Variants in NDUFAF5 observed in about 807,000 individuals in gnomAD.
The protein encoded by NDUFAF5 is NADH:ubiquinone oxidoreductase complex assembly factor 5, also known as arginine-hydroxylase NDUFAF5, mitochondrial.
Under a neutral mutation model 48.9 loss-of-function variants are expected in NDUFAF5, and 34 were observed. The ratio of observed to expected loss-of-function variants is 0.70; its 90% CI spans 0.53 to 0.93. The LOEUF is 0.93. Ranked by LOEUF, NDUFAF5 falls within the 40% of genes least tolerant of loss-of-function variation. The pLI, the probability that NDUFAF5 is intolerant of heterozygous loss-of-function variation, is 0.00. For synonymous variants in NDUFAF5, 153 were observed against 150.6 expected (o/e 1.02, Z -0.12); for missense variants, 428 against 427.5 (o/e 1.00, Z -0.01).
chr20:13,793,034 G>C, intron 3 of NDUFAF5, 146 bp from the exon 4 acceptor site: 2 of 804,166 alleles, frequency 2.5e-6, no homozygotes, highest in Non-Finnish European at 4.2e-6. Flanking sequence ...GTTATTAAAA[G>C]TATTTGTGTA....
chr20:13,791,950 A>T (rs1982347797), intron 3 of NDUFAF5, among the ~76,000 whole-genome samples: 1 of 152,174 alleles, frequency 6.6e-6, no homozygotes, highest in African/African-American at 2.4e-5. Context: ...CTGTTCTGTG[A>T]CATCATATTG....
intron 7 of NDUFAF5, among the ~76,000 whole-genome samples, chr20:13,806,590 G>A (rs1339060420): frequency 2.0e-5 from 3 of 152,188 alleles, no homozygotes; most frequent in Non-Finnish European, 2.9e-5. Flanking sequence ...AAGCTGTTGT[G>A]GCATTCTTTT....
Position 13,794,925 on chromosome 20 carries a change from G to A in NDUFAF5, c.463G>A (p.Val155Met). 6.2e-7 allele frequency: 1 copy of A among 1,607,906 alleles called. No homozygotes were observed. Among genetic ancestry groups the A allele is most frequent in the Non-Finnish European group, 8.5e-7 (1 of 1,174,376 alleles). ...CTTCAAAGAAAATACATTTGACCTGGTGGTTAGCAGTTTAAGGTTGGTAAT... is the reference window on the plus strand; with the variant it reads ...CTTCAAAGAAAATACATTTGACCTGATGGTTAGCAGTTTAAGGTTGGTAAT... ...LPFKENTFDL[V>M]VSSLSLHWVN... Residue 155 changes from valine to methionine, a missense_variant, in exon 5 of 11, where the codon GTG becomes ATG. Physicochemically the swap from Val to Met is conservative, Grantham distance 21 (BLOSUM62 1). Coordinates refer to ENST00000378106, the MANE Select transcript of NDUFAF5 (RefSeq NM_024120.5).
chr20:13,805,171 G>A (rs976639578), intron 7 of NDUFAF5, among the ~76,000 whole-genome samples: 6 of 151,788 alleles, frequency 4.0e-5, no homozygotes, highest in African/African-American at 9.7e-5. Flanking sequence ...ATGGTGTGGC[G>A]ATGTGTAGTG....
In NDUFAF5 at chr20:13,798,378, A is replaced by G; in HGVS notation, c.480-83A>G. ...TAAACTTCAAAATTAACACCTTTTTATGGGTTATCATTAACCTGGTGATAA... is the reference window on the plus strand; with the variant it reads ...TAAACTTCAAAATTAACACCTTTTTGTGGGTTATCATTAACCTGGTGATAA... On this transcript the variant is annotated intron_variant, in intron 5 of 10. Coordinates refer to ENST00000378106, the MANE Select transcript of NDUFAF5 (RefSeq NM_024120.5). 4 of 984,616 alleles carry G rather than the reference A, an allele frequency of 4.1e-6. No individual in the cohort carries two copies. The East Asian group carries it at 9.6e-5, about 24-fold the overall frequency. 61.0% of individuals were successfully genotyped at this position (984,616 alleles called of 1,614,324 possible).
At chr20:13,793,698 A>T (rs1336039806) in intron 4 of NDUFAF5, among the ~76,000 whole-genome samples, 1 of 152,200 alleles carries the variant, frequency 6.6e-6, no homozygotes, top group Non-Finnish European at 1.5e-5. Flanking sequence ...GAAAATCCTT[A>T]TGTGAAGCCA....
rs1986837936 is a variant in NDUFAF5, at chr20:13,819,530, G to T, written c.*2320G>T. 1 of 152,062 alleles carries T rather than the reference G, an allele frequency of 6.6e-6. No individual in the cohort carries two copies. The highest frequency in any genetic ancestry group is 2.4e-5 in the African/African-American group (1 of 41,406). 9.4% of individuals were successfully genotyped at this position (152,062 alleles called of 1,614,324 possible). ...GATTACAGGCGCGTGCCACCACGCT[G>T]GCTAATTTTTGTATTTTTAATAGAG... On this transcript the variant is annotated 3_prime_UTR_variant, in exon 11 of 11. Coordinates refer to ENST00000378106, the MANE Select transcript of NDUFAF5 (RefSeq NM_024120.5).
chr20:13,816,500 C>T lies in NDUFAF5; in HGVS notation c.816C>T (p.Ala272=). 3 of 1,614,036 alleles carry T rather than the reference C, an allele frequency of 1.9e-6. No homozygotes were observed. The Admixed American group carries it at 5.0e-5, about 27-fold the overall frequency. Residue 272 remains alanine (A), a synonymous_variant, in exon 9 of 11, where the codon GCC becomes GCT. Coordinates refer to ENST00000378106, the MANE Select transcript of NDUFAF5 (RefSeq NM_024120.5). The stretch of plus-strand genomic sequence containing the variant: ...GTAACTGTGCTTGGAATAGAAAAGC[C>T]CTGCTGCATCGAGACACAATGCTGG... ...GESNCAWNRK[A]LLHRDTMLAA...
chr20:13,790,485 C>T (rs1401178768), intron 3 of NDUFAF5, among the ~76,000 whole-genome samples: 1 of 152,204 alleles, frequency 6.6e-6, no homozygotes, highest in Non-Finnish European at 1.5e-5. Flanking sequence ...CAGCTATCAT[C>T]GCCCCTTGCC....
chr20:13,788,522 A>G, intron 2 of NDUFAF5, 67 bp from the exon 3 acceptor site: 1 of 1,269,708 alleles, frequency 7.9e-7, no homozygotes, highest in South Asian at 1.2e-5. Context: ...TTTACCTAAG[A>G]AAAAATAATT....
chr20:13,814,131 T>C, intron 8 of NDUFAF5: 1 of 254,574 alleles, frequency 3.9e-6, no homozygotes, highest in East Asian at 1.0e-4. Flanking sequence ...ATGTTGTAAT[T>C]AGTGAGTGGT....
At chr20:13,798,750 A>G (rs1246151732) in intron 6 of NDUFAF5, among the ~76,000 whole-genome samples, 1 of 152,236 alleles carries the variant, frequency 6.6e-6, no homozygotes, top group Non-Finnish European at 1.5e-5. Flanking sequence ...ACTGTGCAAA[A>G]TAATATTGAA....
At position 13,818,428 on chromosome 20, in the gene NDUFAF5, G is replaced by T; in HGVS notation, c.*1218G>T. The T allele has an allele frequency of 4.9e-5, 15 of 305,594 alleles. No individual in the cohort carries two copies. The highest frequency in any genetic ancestry group is 9.1e-5 in the East Asian group (1 of 11,032). The allele number at this position is 305,594 out of a possible 1,614,324, so 18.9% of individuals were successfully genotyped here. On this transcript the variant is annotated 3_prime_UTR_variant, in exon 11 of 11. Coordinates refer to ENST00000378106, the MANE Select transcript of NDUFAF5 (RefSeq NM_024120.5). ...GTAAACCTGTGAAGTAGAATTTGGC[G>T]TTTTGTTTTTTGGGGTTTTTTTTTT...
chr20:13,818,170 C>G lies in NDUFAF5; in HGVS notation c.*960C>G, dbSNP rs1005159454. The G allele has an allele frequency of 4.4e-6, 2 of 454,092 alleles. No individual in the cohort carries two copies. Among genetic ancestry groups the G allele is most frequent in the Middle Eastern group, 6.9e-4 (1 of 1,444 alleles). 28.1% of individuals were successfully genotyped at this position (454,092 alleles called of 1,614,324 possible). A position where few individuals can be genotyped will look rare whatever the true frequency, so the allele number is the denominator to read the frequency against. On this transcript the variant is annotated 3_prime_UTR_variant, in exon 11 of 11. Transcript: ENST00000378106. The stretch of plus-strand genomic sequence containing the variant: ...CTTTACTGTATTAGCAACAAGCTGT[C>G]CATGGGTGGGGGCTGTGTGTTAGCC...
chr20:13,811,947 A>ACT (rs1404810861), intron 8 of NDUFAF5, among the ~76,000 whole-genome samples: 3 of 152,218 alleles, frequency 2.0e-5, no homozygotes, highest in Non-Finnish European at 2.9e-5. Flanking sequence ...TGATTTAAAG[A>ACT]AAGAGGATTA....
At chr20:13,807,182 G>A (rs1315051222) in intron 7 of NDUFAF5, among the ~76,000 whole-genome samples, 1 of 152,158 alleles carries the variant, frequency 6.6e-6, no homozygotes, top group Non-Finnish European at 1.5e-5. Context: ...AAGTAGCTGG[G>A]ACTACAGGCA....
rs1467575898 is a variant in NDUFAF5, at chr20:13,817,516, C to T, written c.*306C>T. 2.0e-6 allele frequency: 1 copy of T among 497,614 alleles called. No homozygotes were observed. The highest frequency in any genetic ancestry group is 2.3e-5 in the Admixed American group (1 of 43,946). The allele number at this position is 497,614 out of a possible 1,614,324, so 30.8% of individuals were successfully genotyped here. On this transcript the variant is annotated 3_prime_UTR_variant, in exon 11 of 11. Coordinates refer to ENST00000378106, the MANE Select transcript of NDUFAF5 (RefSeq NM_024120.5). Reference sequence around the variant, plus strand: ...CCTTGGAAAATATTACTCATGCTGACCTTTTACACCTTTTTCATTTGTCAT... The same window carrying T: ...CCTTGGAAAATATTACTCATGCTGATCTTTTACACCTTTTTCATTTGTCAT...
rs1981006066 is a variant in NDUFAF5, at chr20:13,785,928, T to TA, written c.222+639dup. ...ATGTGGCTACTAGAAAATTTGAAAT[T>TA]ACATATGTGGCTCTCATGATTTTTG... is the stretch of plus-strand genomic sequence containing the variant. On this transcript the variant is annotated intron_variant, in intron 1 of 10. Transcript: ENST00000378106. 4.6e-5 allele frequency among the ~76,000 whole-genome samples: 7 copies of TA among 152,316 alleles called. 1 individual carries two copies. The South Asian group carries it at 1.5e-3, about 32-fold the overall frequency.
intron 7 of NDUFAF5, among the ~76,000 whole-genome samples, chr20:13,807,869 A>G (rs1214047951): frequency 1.3e-5 from 2 of 151,950 alleles, no homozygotes; most frequent in African/African-American, 4.8e-5. Context: ...GAATCGCTTG[A>G]GTTCAGGAGG....
Sources: allele counts gnomAD v4.1 joint callset (sites outside exome capture counted in the v4.1 genomes callset), GRCh38; gene constraint gnomAD v4.1.1; transcripts MANE v1.5; gene names NCBI Gene and HGNC (gene_info 2026-07-23, HGNC 2026-07-21).